LRP6: variants seen among roughly 807,000 people sequenced by gnomAD.
LRP6 encodes the protein LDL receptor related protein 6, also known as low-density lipoprotein receptor-related protein 6.
In LRP6, 43 loss-of-function variants were observed where a neutral mutation model predicts 184.1. That is an observed-to-expected ratio of 0.23 (90% confidence interval 0.18 to 0.30). The LOEUF (loss-of-function observed/expected upper bound fraction) is 0.30. LRP6 is among the 10% of genes least tolerant of loss of function. LRP6 has a pLI of 1.00. For synonymous variants in LRP6, 719 were observed against 684.9 expected (o/e 1.05, Z -0.78); for missense variants, 1,571 against 2,005.3 (o/e 0.78, Z 4.14).
At chr12:12,175,382 C>T (rs1863147916) in intron 7 of LRP6, among the ~76,000 whole-genome samples, 1 of 151,288 alleles carries the variant, frequency 6.6e-6, no homozygotes, top group South Asian at 2.1e-4. Flanking sequence ...GAGTGAGACC[C>T]TGTCTCAAAA....
chr12:12,120,016 T>A lies in LRP6; in HGVS notation c.*1110A>T, dbSNP rs1269371967. 102 of 101,032 alleles carry A rather than the reference T, an allele frequency of 1.0e-3. No individual in the cohort carries two copies. Among genetic ancestry groups the A allele is most frequent in the Non-Finnish European group, 1.6e-3 (71 of 43,372 alleles). 6.3% of individuals were successfully genotyped at this position (101,032 alleles called of 1,614,324 possible). On this transcript the variant is annotated 3_prime_UTR_variant, in exon 23 of 23. Transcript: ENST00000261349. ...ATATATATATATATATATATATATA[T>A]ATATATATATATATATATATATATA...
chr12:12,154,553 T>C (rs767952697), intron 12 of LRP6, among the ~76,000 whole-genome samples: 8 of 152,168 alleles, frequency 5.3e-5, no homozygotes, highest in Admixed American at 4.6e-4. Context: ...ATTACAATAA[T>C]ATATGAAGAA....
At chr12:12,135,003 G>C (rs144326510) in intron 17 of LRP6, among the ~76,000 whole-genome samples, 172 bp downstream of exon 17, 1 of 152,222 alleles carries the variant, frequency 6.6e-6, no homozygotes, top group African/African-American at 2.4e-5. Context: ...GGCTGGGCAG[G>C]GTGGCAGAGA....
rs538024265 is a variant in LRP6, at chr12:12,219,573, A to G, written c.450-16173T>C. ...TCAACATTAGAAAGGGGGAAAAAAT[A>G]CAAACAAGACTCAAATCACAGCAAA... On this transcript the variant is annotated intron_variant, in intron 2 of 22. Coordinates refer to ENST00000261349, the MANE Select transcript of LRP6 (RefSeq NM_002336.3). Among the ~76,000 whole-genome samples the G allele has an allele frequency of 2.6e-5, 4 of 152,346 alleles. No homozygotes were observed. In the South Asian group the frequency reaches 8.3e-4, roughly 32 times the overall value.
intron 1 of LRP6, among the ~76,000 whole-genome samples, chr12:12,257,943 T>C (rs1037147973): frequency 2.1e-5 from 3 of 145,936 alleles, no homozygotes; most frequent in African/African-American, 7.6e-5. Flanking sequence ...CACTCCAGCC[T>C]AGGAAACACA....
At chr12:12,202,080 C>T (rs1160392557) in intron 3 of LRP6, among the ~76,000 whole-genome samples, 1 of 152,106 alleles carries the variant, frequency 6.6e-6, no homozygotes, top group Non-Finnish European at 1.5e-5. Context: ...CACAAGAATC[C>T]AAATATAAAA....
At position 12,179,610 on chromosome 12, in the gene LRP6, A is replaced by T. The variant is rs1186334516; in HGVS notation, c.1545+200T>A. On this transcript the variant is annotated intron_variant, in intron 7 of 22. Coordinates refer to ENST00000261349, the MANE Select transcript of LRP6 (RefSeq NM_002336.3). ...ATCAGCAGCCATTTCTCATACCAAT[A>T]CATCTCTCCATCCTAGGATTATGTG... is the stretch of plus-strand genomic sequence containing the variant. Among the ~76,000 whole-genome samples, 4 of 152,168 alleles carry T rather than the reference A, an allele frequency of 2.6e-5. No homozygotes were observed. In the South Asian group the frequency reaches 8.3e-4, roughly 31 times the overall value.
intron 5 of LRP6, among the ~76,000 whole-genome samples, chr12:12,182,294 T>C (rs926357046): frequency 6.6e-6 from 1 of 152,198 alleles, no homozygotes; most frequent in African/African-American, 2.4e-5. Flanking sequence ...TTAACAACAG[T>C]ATTAAAAAAT....
intron 2 of LRP6, among the ~76,000 whole-genome samples, chr12:12,230,764 T>C (rs899543129): frequency 3.3e-5 from 5 of 152,198 alleles, no homozygotes; most frequent in African/African-American, 1.2e-4. Flanking sequence ...CTAGAACTAC[T>C]GGTGAATCTT....
chr12:12,230,821 C>G (rs930107455), intron 2 of LRP6, among the ~76,000 whole-genome samples: 2 of 152,028 alleles, frequency 1.3e-5, no homozygotes, highest in African/African-American at 4.8e-5. Context: ...ACAAACACCC[C>G]TTTAAATGTA....
chr12:12,205,334 A>AAC, intron 2 of LRP6, among the ~76,000 whole-genome samples: 1 of 122,110 alleles, frequency 8.2e-6, no homozygotes, highest in East Asian at 2.1e-4. Context: ...ACAAACAAAA[A>AAC]AAAAAAAAAA....
Position 12,178,157 on chromosome 12 carries a change from T to C in LRP6, c.1545+1653A>G, listed in dbSNP as rs193097483. Among the ~76,000 whole-genome samples, 49 of 152,308 alleles carry C rather than the reference T, an allele frequency of 3.2e-4. 1 individual carries two copies. The highest frequency in any genetic ancestry group is 1.1e-3 in the African/African-American group (47 of 41,584). ...ATTTAATCAATGTTATATATTGTTA[T>C]ATAAAGTGTATTAATTTTTATTCTT... On this transcript the variant is annotated intron_variant, in intron 7 of 22. Transcript: ENST00000261349.
Position 12,119,410 on chromosome 12 carries a change from T to G in LRP6, c.*1716A>C, listed in dbSNP as rs1241231016. 6.6e-6 allele frequency: 1 copy of G among 152,130 alleles called. No homozygotes were observed. Among genetic ancestry groups the G allele is most frequent in the African/African-American group, 2.4e-5 (1 of 41,410 alleles). 9.4% of individuals were successfully genotyped at this position (152,130 alleles called of 1,614,324 possible). A position where few individuals can be genotyped will look rare whatever the true frequency, so the allele number is the denominator to read the frequency against. On this transcript the variant is annotated 3_prime_UTR_variant, in exon 23 of 23. Coordinates refer to ENST00000261349, the MANE Select transcript of LRP6 (RefSeq NM_002336.3). Reference sequence around the variant, plus strand: ...AACACCTCTTAAGCTAAAAATACATTAGTTTAAAACCATTCAATTTTAGCA... The same window carrying G: ...AACACCTCTTAAGCTAAAAATACATGAGTTTAAAACCATTCAATTTTAGCA...
chr12:12,225,978 C>T (rs1358748307), intron 2 of LRP6, among the ~76,000 whole-genome samples: 1 of 152,040 alleles, frequency 6.6e-6, no homozygotes, highest in African/African-American at 2.4e-5. Context: ...TCAAGAAAAT[C>T]CATCTTACTA....
At chr12:12,220,549 G>C (rs1218942723) in intron 2 of LRP6, among the ~76,000 whole-genome samples, 1 of 151,682 alleles carries the variant, frequency 6.6e-6, no homozygotes, top group Non-Finnish European at 1.5e-5. Context: ...GATTAAAGTA[G>C]AGGGATTTCT....
chr12:12,116,628 G>C lies in LRP6; in HGVS notation c.*4498C>G, dbSNP rs761924416. 3 of 152,148 alleles carry C rather than the reference G, an allele frequency of 2.0e-5. No homozygotes were observed. The highest frequency in any genetic ancestry group is 2.1e-4 in the South Asian group (1 of 4,824). 9.4% of individuals were successfully genotyped at this position (152,148 alleles called of 1,614,324 possible). On this transcript the variant is annotated 3_prime_UTR_variant, in exon 23 of 23. Transcript: ENST00000261349. ...AAAGCGCGTTGTCTGTAATTCTCTG[G>C]TGTTGCTTCTGGGCAAACCCTAAGT...
chr12:12,208,137 A>T (rs554153075), intron 2 of LRP6, among the ~76,000 whole-genome samples: 1 of 152,360 alleles, frequency 6.6e-6, no homozygotes, highest in East Asian at 1.9e-4. Context: ...TGACTTTTTA[A>T]AATTATGTTG....
rs1028283958 is a variant in LRP6 at position 12,266,890 on chromosome 12, C to A, written c.-155G>T. 1.4e-5 allele frequency: 10 copies of A among 698,482 alleles called. No individual in the cohort carries two copies. Among genetic ancestry groups the A allele is most frequent in the African/African-American group, 5.4e-5 (3 of 55,650 alleles). The allele number at this position is 698,482 out of a possible 1,614,324, so 43.3% of individuals were successfully genotyped here. On this transcript the variant is annotated 5_prime_UTR_variant, in exon 1 of 23. Coordinates refer to ENST00000261349, the MANE Select transcript of LRP6 (RefSeq NM_002336.3). ...AAGAAAGGGGCACGTCAAGGTTCCG[C>A]GCGCGCCGCCGCCGCCCTCTCTACC... is the stretch of plus-strand genomic sequence containing the variant.
chr12:12,193,260 A>G (rs1346122826), intron 3 of LRP6, among the ~76,000 whole-genome samples: 1 of 151,924 alleles, frequency 6.6e-6, no homozygotes, highest in African/African-American at 2.4e-5. Context: ...TGCCTATACT[A>G]GAAAAGAAGA....
Sources: allele counts gnomAD v4.1 joint callset (sites outside exome capture counted in the v4.1 genomes callset), GRCh38; gene constraint gnomAD v4.1.1; transcripts MANE v1.5; gene names NCBI Gene and HGNC (gene_info 2026-07-23, HGNC 2026-07-21).